VDAC1: variants seen among roughly 807,000 people sequenced by gnomAD.
The protein encoded by VDAC1 is non-selective voltage-gated ion channel VDAC1.
VDAC1 carries 10 observed loss-of-function variants against 34.7 expected under a neutral mutation model. The observed-to-expected ratio is 0.29, with a 90% confidence interval of 0.18 to 0.49. VDAC1 has a LOEUF of 0.49. Among genes scored for constraint, VDAC1 ranks in the 20% least tolerant of loss-of-function variants. The pLI is 0.99. For missense variants in VDAC1, 230 were observed against 347.9 expected (o/e 0.66, Z 2.69); for synonymous variants, 130 against 136.0 (o/e 0.96, Z 0.30).
the VDAC1 span, among the ~76,000 whole-genome samples, chr5:134,088,511 G>T: frequency 6.6e-6 from 1 of 152,198 alleles, no homozygotes; most frequent in Non-Finnish European, 1.5e-5. Context: ...GGTACCAGTG[G>T]CCAAAAATGA....
At chr5:134,071,611 T>G in the VDAC1 span, among the ~76,000 whole-genome samples, 1 of 152,254 alleles carries the variant, frequency 6.6e-6, no homozygotes, top group African/African-American at 2.4e-5. The surrounding 1 kb of genome is among the most constrained non-coding windows in gnomAD (Gnocchi z 4.1). Context: ...AGAATTCCCC[T>G]TAGCCTTGAC....
chr5:134,023,110 G>A, the VDAC1 span, among the ~76,000 whole-genome samples: 4 of 152,296 alleles, frequency 2.6e-5, no homozygotes, highest in African/African-American at 7.2e-5. Flanking sequence ...TAAAGAAAAC[G>A]TGGCACATAT....
At chr5:134,044,668 C>T in the VDAC1 span, among the ~76,000 whole-genome samples, 6 of 152,140 alleles carry the variant, frequency 3.9e-5, no homozygotes, top group East Asian at 1.9e-4. Context: ...TGTGTGCGCG[C>T]GCGCACAGGT....
the VDAC1 span, among the ~76,000 whole-genome samples, chr5:134,056,513 C>T: frequency 2.0e-5 from 3 of 148,680 alleles, no homozygotes; most frequent in African/African-American, 7.5e-5. Context: ...GATCATGGCT[C>T]ACTGCAGCCT....
the VDAC1 span, among the ~76,000 whole-genome samples, chr5:134,062,156 T>C: frequency 6.6e-6 from 1 of 151,344 alleles, no homozygotes; most frequent in Non-Finnish European, 1.5e-5. Context: ...CCGGCTAATT[T>C]TGGTATTTTT....
the VDAC1 span, among the ~76,000 whole-genome samples, chr5:134,057,656 T>C: frequency 6.7e-6 from 1 of 149,440 alleles, no homozygotes; most frequent in African/African-American, 2.5e-5. Flanking sequence ...ACTATTGCAC[T>C]CCAGCCTGGG....
chr5:134,055,730 T>G, the VDAC1 span, among the ~76,000 whole-genome samples: 1 of 117,684 alleles, frequency 8.5e-6, no homozygotes, highest in East Asian at 3.0e-4. Flanking sequence ...GCCCGGCTGC[T>G]TATTTTGTTT....
chr5:134,055,587 TG>T, the VDAC1 span, among the ~76,000 whole-genome samples: 3 of 94,086 alleles, frequency 3.2e-5, no homozygotes, highest in East Asian at 3.5e-4. Flanking sequence ...GCCCCGCTAA[TG>T]TTTTTTTTTT....
At chr5:134,034,755 G>C in the VDAC1 span, among the ~76,000 whole-genome samples, 16 of 152,106 alleles carry the variant, frequency 1.1e-4, no homozygotes, top group Admixed American at 2.0e-4. Flanking sequence ...CGGACAGTGA[G>C]AGCCAGGTTT....
the VDAC1 span, among the ~76,000 whole-genome samples, chr5:134,022,531 C>T: frequency 6.6e-6 from 1 of 152,256 alleles, no homozygotes; most frequent in East Asian, 1.9e-4. Context: ...GGCATTAATC[C>T]AATCATGAGG....
intron 5 of VDAC1, among the ~76,000 whole-genome samples, chr5:133,989,526 AT>A (rs1175517085): frequency 1.3e-5 from 2 of 151,740 alleles, no homozygotes; most frequent in African/African-American, 4.8e-5. Flanking sequence ...TGCCTGGCTA[AT>A]TTTTGTATTT....
intron 5 of VDAC1, among the ~76,000 whole-genome samples, chr5:133,989,551 G>T (rs1329331720): frequency 6.6e-6 from 1 of 151,796 alleles, no homozygotes; most frequent in Non-Finnish European, 1.5e-5. Flanking sequence ...TTAGAGATGG[G>T]GTTTTGCCAT....
At chr5:134,041,406 T>C in the VDAC1 span, among the ~76,000 whole-genome samples, 1 of 152,190 alleles carries the variant, frequency 6.6e-6, no homozygotes, top group Non-Finnish European at 1.5e-5. Flanking sequence ...TAGGGGCCTC[T>C]GCTGACCAGT....
chr5:134,078,429 C>T, the VDAC1 span, among the ~76,000 whole-genome samples: 1 of 151,964 alleles, frequency 6.6e-6, no homozygotes, highest in Non-Finnish European at 1.5e-5. Context: ...TACACAAGGC[C>T]CAGGAGGACA....
chr5:133,972,937 A>C, intron 8 of VDAC1, 75 bp from the exon 9 acceptor site: 1 of 1,250,516 alleles, frequency 8.0e-7, no homozygotes, highest in Non-Finnish European at 1.2e-6. Context: ...TTAACACCAA[A>C]TTCAGAACCT....
intron 1 of VDAC1, 100 bp from the exon 2 acceptor site, chr5:133,993,118 C>T: frequency 1.6e-6 from 2 of 1,228,988 alleles, no homozygotes; most frequent in Non-Finnish European, 2.3e-6. Context: ...CAATAAAAAT[C>T]ACCTAGCACT....
chr5:134,100,552 A>T, the VDAC1 span, among the ~76,000 whole-genome samples: 1 of 152,176 alleles, frequency 6.6e-6, no homozygotes, highest in Non-Finnish European at 1.5e-5. Flanking sequence ...TAGAGGTAGC[A>T]GCTCCTGTGA....
the VDAC1 span, among the ~76,000 whole-genome samples, chr5:134,065,374 C>T: frequency 1.1e-4 from 14 of 131,282 alleles, no homozygotes; most frequent in Admixed American, 8.9e-4. Flanking sequence ...CAGAGTCTCA[C>T]TCTACCATTC....
chr5:134,113,901 G>A, the VDAC1 span, among the ~76,000 whole-genome samples: 1 of 152,322 alleles, frequency 6.6e-6, no homozygotes, highest in Non-Finnish European at 1.5e-5. Flanking sequence ...TCGGAATCCC[G>A]CGCCCACGTG....
Sources: allele counts gnomAD v4.1 joint callset (sites outside exome capture counted in the v4.1 genomes callset), GRCh38; gene constraint gnomAD v4.1.1; non-coding constraint Gnocchi (gnomAD v3.1); transcripts MANE v1.5; gene names NCBI Gene and HGNC (gene_info 2026-07-23, HGNC 2026-07-21).